The following TOP6BL variants were observed in gnomAD, a reference collection of about 807,000 sequenced individuals.
The protein encoded by TOP6BL is type 2 DNA topoisomerase 6 subunit B-like.
At chr11:66,765,091 G>C in the TOP6BL span, among the ~76,000 whole-genome samples, 8 of 152,252 alleles carry the variant, frequency 5.3e-5, no homozygotes, top group Admixed American at 2.6e-4. Context: ...CATATATAAG[G>C]CTACTTGTTT....
the TOP6BL span, chr11:66,759,141 A>C: frequency 7.9e-7 from 1 of 1,259,496 alleles, no homozygotes; most frequent in East Asian, 2.5e-5. Context: ...TCTTCCCGAC[A>C]ATTAATTTGA....
chr11:66,841,526 G>A, the TOP6BL span, among the ~76,000 whole-genome samples: 10 of 152,248 alleles, frequency 6.6e-5, no homozygotes, highest in South Asian at 2.1e-3. Context: ...TTGTTATTGG[G>A]CTCTTAAGGT....
At chr11:66,755,065 A>G in the TOP6BL span, among the ~76,000 whole-genome samples, 3 of 150,812 alleles carry the variant, frequency 2.0e-5, no homozygotes, top group African/African-American at 2.4e-5. Flanking sequence ...TTATACTTAG[A>G]TTACTCAGGT....
the TOP6BL span, among the ~76,000 whole-genome samples, chr11:66,745,927 C>T: frequency 2.6e-5 from 4 of 152,356 alleles, no homozygotes; most frequent in South Asian, 4.1e-4. Flanking sequence ...TCTCCTGTCT[C>T]AGCCTCCCGA....
the TOP6BL span, chr11:66,839,204 C>A: frequency 2.2e-6 from 1 of 456,196 alleles, no homozygotes; most frequent in South Asian, 1.5e-5. Context: ...AGCAGAGATG[C>A]CAGGTACTAT....
chr11:66,797,038 T>C, the TOP6BL span, among the ~76,000 whole-genome samples: 1 of 151,070 alleles, frequency 6.6e-6, no homozygotes, highest in Non-Finnish European at 1.5e-5. Context: ...CTTACTCTGT[T>C]GCTTAGGCTG....
At chr11:66,786,537 G>A in the TOP6BL span, among the ~76,000 whole-genome samples, 1 of 150,694 alleles carries the variant, frequency 6.6e-6, no homozygotes, top group South Asian at 2.1e-4. Flanking sequence ...TACTGAAATT[G>A]ATTTCCCCCC....
chr11:66,773,596 A>G, the TOP6BL span, among the ~76,000 whole-genome samples: 1 of 151,810 alleles, frequency 6.6e-6, no homozygotes, highest in Non-Finnish European at 1.5e-5. Flanking sequence ...TATTTCATTC[A>G]TTTACACTCT....
chr11:66,824,851 G>T, the TOP6BL span, among the ~76,000 whole-genome samples: 1 of 151,980 alleles, frequency 6.6e-6, no homozygotes, highest in South Asian at 2.1e-4. Flanking sequence ...TATCATTGTT[G>T]GATATTTGGG....
At chr11:66,839,870 C>T in the TOP6BL span, among the ~76,000 whole-genome samples, 1 of 152,130 alleles carries the variant, frequency 6.6e-6, no homozygotes, top group East Asian at 1.9e-4. Context: ...AGCCTTATCT[C>T]ATTTAGTCTT....
At chr11:66,802,957 A>G in the TOP6BL span, among the ~76,000 whole-genome samples, 65 of 152,238 alleles carry the variant, frequency 4.3e-4, no homozygotes, top group Non-Finnish European at 8.7e-4. Flanking sequence ...TTTCCTCTCT[A>G]TTAATTAATT....
the TOP6BL span, among the ~76,000 whole-genome samples, chr11:66,773,483 C>G: frequency 6.6e-6 from 1 of 151,866 alleles, no homozygotes; most frequent in Non-Finnish European, 1.5e-5. Context: ...TTTGTAGAAT[C>G]TCTAGCAATA....
chr11:66,761,392 TAAAAAGG>T, the TOP6BL span, among the ~76,000 whole-genome samples: 26 of 151,200 alleles, frequency 1.7e-4, no homozygotes, highest in African/African-American at 5.6e-4. Flanking sequence ...GAAAAAAAGA[TAAAAAGG>T]AAAAAAGAAA....
At chr11:66,781,595 T>G in the TOP6BL span, among the ~76,000 whole-genome samples, 1 of 152,300 alleles carries the variant, frequency 6.6e-6, no homozygotes, top group South Asian at 2.1e-4. Context: ...AAAAGTGCAG[T>G]GGCACAGTCA....
chr11:66,796,515 C>T, the TOP6BL span, among the ~76,000 whole-genome samples: 1 of 152,090 alleles, frequency 6.6e-6, no homozygotes, highest in Non-Finnish European at 1.5e-5. Flanking sequence ...CATGGTGGCT[C>T]ATACCTGTAA....
At chr11:66,807,814 G>A in the TOP6BL span, among the ~76,000 whole-genome samples, 1 of 152,128 alleles carries the variant, frequency 6.6e-6, no homozygotes, top group African/African-American at 2.4e-5. Flanking sequence ...GCTGAGCTTG[G>A]GAGTGCTGCT....
the TOP6BL span, among the ~76,000 whole-genome samples, chr11:66,791,284 A>G: frequency 6.6e-6 from 1 of 152,224 alleles, no homozygotes; most frequent in Non-Finnish European, 1.5e-5. Context: ...GCCCACAGCT[A>G]GTCTTACATC....
At chr11:66,798,392 G>A in the TOP6BL span, among the ~76,000 whole-genome samples, 1 of 151,958 alleles carries the variant, frequency 6.6e-6, no homozygotes, top group Non-Finnish European at 1.5e-5. Flanking sequence ...TTGAGCTCAG[G>A]AGTTCCAGAC....
At chr11:66,750,234 A>G in the TOP6BL span, among the ~76,000 whole-genome samples, 1 of 152,028 alleles carries the variant, frequency 6.6e-6, no homozygotes, top group Admixed American at 6.6e-5. Context: ...ATTTAGTTTT[A>G]GTTTTTGTCA....
Sources: gnomAD v4.1 joint callset for allele counts (sites outside exome capture counted in the v4.1 genomes callset) on GRCh38, gnomAD v4.1.1 for gene constraint, MANE v1.5 for transcripts, NCBI Gene and HGNC (gene_info 2026-07-23, HGNC 2026-07-21) for gene names.